Variants in UROD observed in about 807,000 individuals in gnomAD.
UROD encodes uroporphyrinogen decarboxylase.
In UROD, 34 loss-of-function variants were observed where a neutral mutation model predicts 47.1. The ratio of observed to expected loss-of-function variants is 0.72; its 90% confidence interval spans 0.55 to 0.96. UROD has a LOEUF of 0.96. Ranked by LOEUF, UROD falls within the 40% of genes least tolerant of loss-of-function variation. UROD has a pLI of 0.00. For synonymous variants in UROD, 148 were observed against 175.8 expected (o/e 0.84, Z 1.25); for missense variants, 381 against 471.8 (o/e 0.81, Z 1.78).
rs775962228 is a variant in UROD at position 45,013,173 on chromosome 1, C to T, written c.171C>T (p.Ser57=). ...CCCGGGCTGCCCAGGACTTTTTCAG[C>T]ACGTGTCGCTCTCCTGAGGCCTGCT... ...RETRAAQDFF[S]TCRSPEACCE... is the part of the protein sequence containing the mutation. The change falls in exon 3 of 10, where the codon AGC becomes AGT. Residue 57 remains serine, a synonymous_variant. Coordinates refer to ENST00000246337, the MANE Select transcript of UROD (RefSeq NM_000374.5). This position sits in a 1 kb window ranked among gnomAD's most constrained non-coding sequence, Gnocchi z 4.2. 5.6e-6 allele frequency: 9 copies of T among 1,614,072 alleles called. No homozygotes were observed. The highest frequency in any genetic ancestry group is 1.1e-5 in the South Asian group (1 of 91,096).
intron 6 of UROD, 147 bp from the exon 7 acceptor site, chr1:45,014,291 TA>T: frequency 2.1e-6 from 3 of 1,402,144 alleles, no homozygotes; most frequent in Non-Finnish European, 3.0e-6. Context: ...CTGAGGAAAG[TA>T]AATTTTTTTT....
chr1:45,013,515 C>T lies in UROD; in HGVS notation c.277-79C>T. ...TTGGCAGAGTTTTATTCTCCTTTTC[C>T]TTCCTCCTGGAATGAGCTGAACAGA... is the stretch of plus-strand genomic sequence containing the variant. On this transcript the variant is annotated intron_variant, in intron 4 of 9. Transcript: ENST00000246337. This position sits in a 1 kb window ranked among gnomAD's most constrained non-coding sequence, Gnocchi z 4.2. 1 of 1,608,622 alleles carries T rather than the reference C, an allele frequency of 6.2e-7. No homozygotes were observed. The highest frequency in any genetic ancestry group is 8.5e-7 in the Non-Finnish European group (1 of 1,176,328).
In UROD at chr1:45,013,204, C is replaced by A. The variant is rs1644819368; in HGVS notation, c.202C>A (p.Leu68Met). Residue 68 changes from leucine to methionine, a missense_variant, in exon 3 of 10, where the codon CTG becomes ATG. Physicochemically the swap from Leu to Met is conservative, Grantham distance 15. Transcript: ENST00000246337. The surrounding 1 kb of genome is among the most constrained non-coding windows in gnomAD (Gnocchi z 4.2). Reference sequence around the variant, plus strand: ...TCGCTCTCCTGAGGCCTGCTGTGAACTGACTCTGCAGGTGAGGGGTCCACA... The same window carrying A: ...TCGCTCTCCTGAGGCCTGCTGTGAAATGACTCTGCAGGTGAGGGGTCCACA... ...TCRSPEACCE[L>M]TLQPLRRFPL... 1 of 1,614,074 alleles carries A rather than the reference C, an allele frequency of 6.2e-7. No homozygotes were observed. Among genetic ancestry groups the A allele is most frequent in the Non-Finnish European group, 8.5e-7 (1 of 1,180,046 alleles).
At position 45,013,662 on chromosome 1, in the gene UROD, G is replaced by A. The variant is rs1228234993; in HGVS notation, c.345G>A (p.Glu115=). 6.2e-7 allele frequency: 1 copy of A among 1,614,174 alleles called. No individual in the cohort carries two copies. The change falls in exon 5 of 10, where the codon GAG becomes GAA. Residue 115 remains glutamate, a synonymous_variant. Coordinates refer to ENST00000246337, the MANE Select transcript of UROD (RefSeq NM_000374.5). The surrounding 1 kb of genome is among the most constrained non-coding windows in gnomAD (Gnocchi z 4.2). The part of the protein sequence containing the change: ...GPSFPEPLRE[E]QDLERLRDPE... The stretch of plus-strand genomic sequence containing the variant: ...GCTTCCCAGAGCCATTAAGAGAAGA[G>A]CAGGACCTAGAACGCCTACGGGATC...
chr1:45,012,707 C>A, intron 1 of UROD, 200 bp from the exon 2 acceptor site: 1 of 1,099,662 alleles, frequency 9.1e-7, no homozygotes, highest in Non-Finnish European at 1.3e-6. Flanking sequence ...AGGGAAGAGG[C>A]CCCAGGGCGG....
rs137978913 is a variant in UROD at position 45,014,547 on chromosome 1, C to T, written c.745C>T (p.Arg249Trp). Residue 249 changes from arginine to tryptophan, a missense_variant, in exon 7 of 10, where the codon CGG (arginine) becomes TGG (tryptophan). Coordinates refer to ENST00000246337, the MANE Select transcript of UROD (RefSeq NM_000374.5). ...DVAKQVKARL[R>W]EAGLAPVPMI... ...GGCCAAGCAAGTGAAGGCCAGGTTGCGGGAGGCAGGCCTGGCACCAGTGCC... is the reference window on the plus strand; with the variant it reads ...GGCCAAGCAAGTGAAGGCCAGGTTGTGGGAGGCAGGCCTGGCACCAGTGCC... The T allele has an allele frequency of 7.9e-5, 127 of 1,614,060 alleles. No homozygotes were observed. Among genetic ancestry groups the T allele is most frequent in the Middle Eastern group, 1.6e-4 (1 of 6,082 alleles).
At chr1:45,015,243 G>T in intron 9 of UROD, 94 bp from the exon 10 acceptor site, 1 of 1,541,728 alleles carries the variant, frequency 6.5e-7, no homozygotes, top group Admixed American at 1.9e-5. Context: ...ACACTGAGTA[G>T]AAGCATGCCT....
chr1:45,015,503 A>G lies in UROD; in HGVS notation c.*5A>G, dbSNP rs568991852. On this transcript the variant is annotated 3_prime_UTR_variant, in exon 10 of 10. Transcript: ENST00000246337. ...CGTCTGCTTCGACAGAACTGAGTGT[A>G]TACCTTTACCCTCAAGTACCACTAA... 6 of 1,614,226 alleles carry G rather than the reference A, an allele frequency of 3.7e-6. No individual in the cohort carries two copies. The East Asian group carries it at 8.9e-5, about 24-fold the overall frequency.
chr1:45,014,562 G>C lies in UROD; in HGVS notation c.760G>C (p.Ala254Pro). ...GGCCAGGTTGCGGGAGGCAGGCCTGGCACCAGTGCCCATGGTGAGGATTGG... is the reference window on the plus strand; with the variant it reads ...GGCCAGGTTGCGGGAGGCAGGCCTGCCACCAGTGCCCATGGTGAGGATTGG... ...VKARLREAGL[A>P]PVPMIIFAKD... Residue 254 changes from alanine (A) to proline (P), a missense_variant, in exon 7 of 10, where the codon GCA becomes CCA. Coordinates refer to ENST00000246337, the MANE Select transcript of UROD (RefSeq NM_000374.5). 6.2e-7 allele frequency: 1 copy of C among 1,614,230 alleles called. No individual in the cohort carries two copies.
At chr1:45,012,379 C>T (rs997669282) in intron 1 of UROD, 94 bp downstream of exon 1, 2 of 1,565,632 alleles carry the variant, frequency 1.3e-6, no homozygotes, top group Admixed American at 1.7e-5. Context: ...TTTCCCCACC[C>T]TGGAGACCTC....
rs141792226 is a variant in UROD at position 45,013,700 on chromosome 1, C to T, written c.383C>T (p.Ala128Val). 39 of 1,614,062 alleles carry T rather than the reference C, an allele frequency of 2.4e-5. No homozygotes were observed. Among genetic ancestry groups the T allele is most frequent in the Non-Finnish European group, 3.1e-5 (37 of 1,180,046 alleles). ...CGCCTACGGGATCCAGAAGTGGTAGCCTCTGAGCTAGGCTATGTGTTCCAA... is the reference window on the plus strand; with the variant it reads ...CGCCTACGGGATCCAGAAGTGGTAGTCTCTGAGCTAGGCTATGTGTTCCAA... ...LERLRDPEVV[A>V]SELGYVFQAI... The change falls in exon 5 of 10, where the codon GCC becomes GTC. Residue 128 changes from alanine to valine, a missense_variant. Transcript: ENST00000246337. This position sits in a 1 kb window ranked among gnomAD's most constrained non-coding sequence, Gnocchi z 4.2.
In UROD at chr1:45,014,828, G is replaced by A. The variant is rs3209914; in HGVS notation, c.867G>A (p.Lys289=). The A allele has an allele frequency of 6.2e-7, 1 of 1,614,272 alleles. No individual in the cohort carries two copies. The highest frequency in any genetic ancestry group is 1.6e-4 in the Middle Eastern group (1 of 6,062). ...VVGLDWTVAP[K]KARECVGKTV... ...GGCTTGACTGGACAGTGGCCCCAAA[G>A]AAAGCCCGGTAAGCCATGGAAGGGT... The change falls in exon 8 of 10, where the codon AAG becomes AAA. Residue 289 remains lysine, a synonymous_variant. Coordinates refer to ENST00000246337, the MANE Select transcript of UROD (RefSeq NM_000374.5).
At chr1:45,015,282 G>C in intron 9 of UROD, 55 bp from the exon 10 acceptor site, 2 of 1,606,436 alleles carry the variant, frequency 1.2e-6, no homozygotes, top group Non-Finnish European at 1.7e-6. Context: ...AGTATATATA[G>C]GGAGGACAAA....
intron 6 of UROD, 47 bp from the exon 7 acceptor site, chr1:45,014,392 C>A (rs1056787026): frequency 7.4e-6 from 12 of 1,613,352 alleles, no homozygotes; most frequent in South Asian, 1.1e-5. Context: ...GTGGGGGAAA[C>A]TTCCTCTTTG....
In UROD at chr1:45,013,277, T is replaced by C. The variant is rs770369883; in HGVS notation, c.214-15T>C. The C allele has an allele frequency of 6.2e-6, 10 of 1,614,178 alleles. No individual in the cohort carries two copies. The highest frequency in any genetic ancestry group is 1.3e-5 in the African/African-American group (1 of 75,048). On this transcript the variant is annotated splice_polypyrimidine_tract_variant and intron_variant, in intron 3 of 9. Transcript: ENST00000246337. This position sits in a 1 kb window ranked among gnomAD's most constrained non-coding sequence, Gnocchi z 4.2. Reference sequence around the variant, plus strand: ...TCAGTCTGCCACCTAGCAACCTGTCTCCTGTTTCCTACAGCCACTGCGTCG... The same window carrying C: ...TCAGTCTGCCACCTAGCAACCTGTCCCCTGTTTCCTACAGCCACTGCGTCG...
At position 45,015,372 on chromosome 1, in the gene UROD, T is replaced by C; in HGVS notation, c.978T>C (p.Asp326=). ...GGCAGTTGGTGAAGCAGATGCTGGA[T>C]GACTTTGGACCACATCGCTACATTG... ...EIGQLVKQML[D]DFGPHRYIAN... is the part of the protein sequence containing the mutation. Residue 326 remains aspartate, a synonymous_variant, in exon 10 of 10, where the codon GAT becomes GAC. Transcript: ENST00000246337. 6.2e-7 allele frequency: 1 copy of C among 1,614,174 alleles called. No homozygotes were observed. Among genetic ancestry groups the C allele is most frequent in the Non-Finnish European group, 8.5e-7 (1 of 1,180,048 alleles).
At chr1:45,012,360 C>G (rs2148981595) in intron 1 of UROD, 75 bp downstream of exon 1, 3 of 1,605,502 alleles carry the variant, frequency 1.9e-6, no homozygotes, top group South Asian at 1.1e-5. Context: ...CTCTATCCCT[C>G]TACTCCCCTT....
At chr1:45,014,328 C>T in intron 6 of UROD, 111 bp from the exon 7 acceptor site, 6 of 1,542,178 alleles carry the variant, frequency 3.9e-6, no homozygotes, top group Non-Finnish European at 5.4e-6. Flanking sequence ...TTTTTAGGGT[C>T]AGGCAGTATC....
rs1055283865 is a variant in UROD, at chr1:45,013,847, G to A, written c.474+56G>A. 27 of 1,614,078 alleles carry A rather than the reference G, an allele frequency of 1.7e-5. No individual in the cohort carries two copies. The African/African-American group carries it at 2.9e-4, about 18-fold the overall frequency. The stretch of plus-strand genomic sequence containing the variant: ...GCGGGGAGATCACTCTGGAAGGTCT[G>A]GGGTAGACAAAAGGAAGGGTCAGTC... On this transcript the variant is annotated intron_variant, in intron 5 of 9. Coordinates refer to ENST00000246337, the MANE Select transcript of UROD (RefSeq NM_000374.5). The surrounding 1 kb of genome is among the most constrained non-coding windows in gnomAD (Gnocchi z 4.2).
Sources: allele counts gnomAD v4.1 joint callset, GRCh38; gene constraint gnomAD v4.1.1; non-coding constraint Gnocchi (gnomAD v3.1); transcripts MANE v1.5; gene names NCBI Gene and HGNC (gene_info 2026-07-23, HGNC 2026-07-21).